The following OTUD5 variants were observed in gnomAD, a reference collection of about 807,000 sequenced individuals.
OTUD5 encodes OTU deubiquitinase 5.
OTUD5 carries 2 observed loss-of-function variants against 36.3 expected under a neutral mutation model. The ratio of observed to expected loss-of-function variants is 0.06; its 90% CI spans 0.02 to 0.17. OTUD5 has a LOEUF of 0.17. Among genes scored for constraint, OTUD5 ranks in the 10% least tolerant of loss-of-function variants. The pLI, the probability that OTUD5 is intolerant of heterozygous loss-of-function variation, is 1.00. For synonymous variants in OTUD5, 234 were observed against 214.9 expected, an observed-to-expected ratio of 1.09 and a Z score of -0.78; for missense variants, 233 against 512.3, an observed-to-expected ratio of 0.45 and a Z score of 5.26.
chrX:48,930,753 G>A (rs2063739408), intron 5 of OTUD5, among the ~76,000 whole-genome samples: 1 of 111,223 alleles, frequency 9.0e-6, no homozygotes, highest in East Asian at 2.8e-4. Context: ...GAGGTCAGGA[G>A]TTCGAGACTT....
intron 2 of OTUD5, 25 bp from the exon 3 acceptor site, chrX:48,935,043 GC>G: frequency 8.5e-7 from 1 of 1,176,432 alleles, no homozygotes; most frequent in Non-Finnish European, 1.2e-6. Context: ...GAAAGCAGCA[GC>G]TAGGGTCAGA....
intron 5 of OTUD5, among the ~76,000 whole-genome samples, chrX:48,928,840 A>AAAAAAAC (rs2063705527): frequency 9.3e-6 from 1 of 107,846 alleles, no homozygotes; most frequent in African/African-American, 3.4e-5. Flanking sequence ...AAAAAAAAAA[A>AAAAAAAC]AAAACAGTAT....
At chrX:48,944,964 G>A (rs1557052000) in intron 1 of OTUD5, among the ~76,000 whole-genome samples, 1 of 109,481 alleles carries the variant, frequency 9.1e-6, no homozygotes, top group Non-Finnish European at 1.9e-5. Flanking sequence ...AAGAGGTTGC[G>A]GTGAGCTAAG....
At chrX:48,947,074 C>A (rs1318554421) in intron 1 of OTUD5, among the ~76,000 whole-genome samples, 1 of 112,195 alleles carries the variant, frequency 8.9e-6, no homozygotes, top group Admixed American at 9.4e-5. Context: ...AATGTAAATG[C>A]CAGGTGTTGT....
At chrX:48,949,071 C>A (rs1238334384) in intron 1 of OTUD5, among the ~76,000 whole-genome samples, 1 of 111,688 alleles carries the variant, frequency 9.0e-6, no homozygotes, top group Non-Finnish European at 1.9e-5. Context: ...GGATACCAAG[C>A]CTCCCAATAA....
At chrX:48,951,537 C>T (rs1159317356) in intron 1 of OTUD5, among the ~76,000 whole-genome samples, 1 of 111,099 alleles carries the variant, frequency 9.0e-6, no homozygotes, top group African/African-American at 3.3e-5. Context: ...ATGGTGTGAA[C>T]CTGGGAGGTG....
chrX:48,939,611 C>T (rs182881874), intron 2 of OTUD5, among the ~76,000 whole-genome samples: 30 of 111,956 alleles, frequency 2.7e-4, no homozygotes, highest in Non-Finnish European at 4.3e-4. Context: ...AGATGTGAGG[C>T]TCTATAAACT....
Position 48,923,183 on chromosome X carries a change from G to A in OTUD5, c.1692C>T (p.Asp564=). The part of the protein sequence containing the change: ...KNKVHRDPPP[D]KS ...AATCCCTGGGTCTCCATCAACTCTTGTCTGGGGGCGGGTCTCTGTGCACTT... is the reference window on the plus strand; with the variant it reads ...AATCCCTGGGTCTCCATCAACTCTTATCTGGGGGCGGGTCTCTGTGCACTT... Residue 564 remains aspartate, a synonymous_variant, in exon 9 of 9, where the codon GAC becomes GAT. Transcript: ENST00000376488. 8.3e-7 allele frequency: 1 copy of A among 1,209,522 alleles called. No individual in the cohort carries two copies. The highest frequency in any genetic ancestry group is 1.1e-6 in the Non-Finnish European group (1 of 893,793).
intron 6 of OTUD5, among the ~76,000 whole-genome samples, chrX:48,924,731 T>C (rs1427379296): frequency 8.9e-6 from 1 of 112,499 alleles, no homozygotes; most frequent in African/African-American, 3.2e-5. Context: ...TCACCTGCTC[T>C]GAGGCCTACC....
At chrX:48,940,850 G>C (rs782320702) in intron 2 of OTUD5, 1 of 112,237 alleles carries the variant, frequency 8.9e-6, no homozygotes, top group Non-Finnish European at 1.9e-5. Flanking sequence ...GGAGAGAACT[G>C]AGCGCAAGCA....
chrX:48,939,980 G>A (rs2063894328), intron 2 of OTUD5: 1 of 114,161 alleles, frequency 8.8e-6, no homozygotes, highest in African/African-American at 3.2e-5. Context: ...CCACACTAAC[G>A]TGTGTACACA....
At position 48,957,502 on chromosome X, in the gene OTUD5, G is replaced by GGGC. The variant is rs1399235419; in HGVS notation, c.66_68dup (p.Pro23dup). 2.4e-6 allele frequency: 2 copies of GGGC among 820,496 alleles called. No individual in the cohort carries two copies. The highest frequency in any genetic ancestry group is 3.0e-6 in the Non-Finnish European group (2 of 675,160). 67.6% of individuals were successfully genotyped at this position (820,496 alleles called of 1,213,427 possible). ...GCCGCGGCGCCGGGGGCATCGGCCC[G>GGGC]GGCGGCGGCGGCTCGTTGGCGGGGT... is the stretch of plus-strand genomic sequence containing the variant. On this transcript the variant is annotated inframe_insertion, in exon 1 of 9. Coordinates refer to ENST00000376488, the MANE Select transcript of OTUD5 (RefSeq NM_001136157.2).
intron 2 of OTUD5, among the ~76,000 whole-genome samples, chrX:48,937,173 G>C (rs1429944037): frequency 1.8e-5 from 2 of 111,449 alleles, no homozygotes; most frequent in African/African-American, 6.5e-5. Flanking sequence ...ACTCTCCCCC[G>C]CCCTCCCCAG....
upstream of OTUD5, chrX:48,958,339 G>A (rs1235435881): frequency 8.9e-6 from 1 of 112,820 alleles, no homozygotes; most frequent in Non-Finnish European, 1.9e-5. Flanking sequence ...CGGAATGACT[G>A]GAAAACATCA....
chrX:48,938,575 T>A (rs1557050410), intron 2 of OTUD5, among the ~76,000 whole-genome samples: 2 of 110,074 alleles, frequency 1.8e-5, no homozygotes, highest in Non-Finnish European at 3.8e-5. Context: ...ATGCCTGTAA[T>A]CCCAGCTATT....
chrX:48,940,907 C>T (rs1028516234), intron 2 of OTUD5: 1 of 111,799 alleles, frequency 8.9e-6, no homozygotes, highest in East Asian at 2.8e-4. Flanking sequence ...CAGGCAGCTA[C>T]CTGGGGAGTA....
intron 5 of OTUD5, among the ~76,000 whole-genome samples, chrX:48,927,460 T>C (rs1350213039): frequency 3.6e-5 from 4 of 111,934 alleles, no homozygotes; most frequent in Non-Finnish European, 7.5e-5. Flanking sequence ...TGACCAGCTA[T>C]AAATTGGGAT....
At chrX:48,936,469 C>A in intron 2 of OTUD5, 1 of 113,648 alleles carries the variant, frequency 8.8e-6, no homozygotes, top group Non-Finnish European at 1.9e-5. Flanking sequence ...GCAGCCTTGA[C>A]CTCCTGGGCT....
chrX:48,924,868 G>A (rs1372007279), intron 6 of OTUD5, among the ~76,000 whole-genome samples: 1 of 111,903 alleles, frequency 8.9e-6, no homozygotes, highest in Non-Finnish European at 1.9e-5. Flanking sequence ...ATTTCACTCT[G>A]CAAAACTGTG....
Sources: allele counts gnomAD v4.1 joint callset (sites outside exome capture counted in the v4.1 genomes callset), GRCh38; gene constraint gnomAD v4.1.1; transcripts MANE v1.5; gene names NCBI Gene and HGNC (gene_info 2026-07-23, HGNC 2026-07-21).